CAPN3: variants seen among roughly 807,000 people sequenced by gnomAD.
CAPN3 encodes calpain-3.
A neutral mutation model predicts 114.0 loss-of-function variants in CAPN3; 88 were observed. The ratio of observed to expected loss-of-function variants is 0.77; its 90% CI spans 0.65 to 0.92. CAPN3 has a LOEUF of 0.92. Among genes scored for constraint, CAPN3 ranks in the 40% least tolerant of loss-of-function variants. The pLI is 0.00. For missense variants in CAPN3, 1,028 were observed against 1,069.0 expected, an observed-to-expected ratio of 0.96 and a Z score of 0.53; for synonymous variants, 386 against 382.9, an observed-to-expected ratio of 1.01 and a Z score of -0.09.
At chr15:42,409,442 A>G (rs2054135961) in intron 17 of CAPN3, 62 bp downstream of exon 17, 1 of 1,421,746 alleles carries the variant, frequency 7.0e-7, no homozygotes, top group Non-Finnish European at 9.9e-7. Flanking sequence ...TTAACTGCTC[A>G]GATTACCAAT....
chr15:42,390,802 T>TG (rs2053534635), intron 6 of CAPN3, among the ~76,000 whole-genome samples: 2 of 150,730 alleles, frequency 1.3e-5, no homozygotes, highest in African/African-American at 4.9e-5. Flanking sequence ...TTTTTTTTTT[T>TG]TTTTTGGAAA....
Position 42,412,277 on chromosome 15 carries a change from G to GA in CAPN3, c.*510dup, listed in dbSNP as rs2054285493. 2 of 1,206,160 alleles carry GA rather than the reference G, an allele frequency of 1.7e-6. No homozygotes were observed. The highest frequency in any genetic ancestry group is 1.5e-5 in the African/African-American group (1 of 65,880). 74.7% of individuals were successfully genotyped at this position (1,206,160 alleles called of 1,614,324 possible). On this transcript the variant is annotated 3_prime_UTR_variant, in exon 24 of 24. Coordinates refer to ENST00000397163, the MANE Select transcript of CAPN3 (RefSeq NM_000070.3). ...CAACTCATAAGTTTGGCTGCATTTTGAAAAAAGCTGATCTAAATAAAGGCA... is the reference window on the plus strand; with the variant it reads ...CAACTCATAAGTTTGGCTGCATTTTGAAAAAAAGCTGATCTAAATAAAGGCA...
chr15:42,372,676 C>T (rs574063282), intron 1 of CAPN3, among the ~76,000 whole-genome samples: 95 of 151,816 alleles, frequency 6.3e-4, no homozygotes, highest in African/African-American at 2.0e-3. Context: ...GGTGAAACCT[C>T]GTCTCTACTA....
chr15:42,405,105 T>G (rs1443230007), intron 14 of CAPN3: 15 of 762,028 alleles, frequency 2.0e-5, no homozygotes, highest in Non-Finnish European at 2.4e-5. Context: ...GCAGGGCCCT[T>G]GGCTCAGCTG....
At chr15:42,400,992 G>A (rs1378928283) in intron 10 of CAPN3, among the ~76,000 whole-genome samples, 2 of 152,100 alleles carry the variant, frequency 1.3e-5, no homozygotes, top group Admixed American at 6.6e-5. Flanking sequence ...TCAGGAGTTC[G>A]AGACCAGCTT....
intron 3 of CAPN3, 44 bp from the exon 4 acceptor site, chr15:42,387,709 C>T (rs2053440191): frequency 6.2e-7 from 1 of 1,612,846 alleles, no homozygotes; most frequent in Non-Finnish European, 8.5e-7. Context: ...CATTTCCTAA[C>T]AGTAATTTGA....
At chr15:42,389,142 G>A (rs748153166) in intron 5 of CAPN3, 46 bp downstream of exon 5, 1 of 1,592,126 alleles carries the variant, frequency 6.3e-7, no homozygotes, top group South Asian at 1.1e-5. Flanking sequence ...CCAAGTGTCA[G>A]GAAGCCTTTT....
chr15:42,362,167 ACT>A, intron 1 of CAPN3, among the ~76,000 whole-genome samples: 1 of 152,178 alleles, frequency 6.6e-6, no homozygotes, highest in South Asian at 2.1e-4. Context: ...TAATCCTAGC[ACT>A]TTGGGAGGCA....
At chr15:42,370,756 A>G (rs1236934825) in intron 1 of CAPN3, among the ~76,000 whole-genome samples, 7 of 152,204 alleles carry the variant, frequency 4.6e-5, no homozygotes, top group South Asian at 2.1e-4. Flanking sequence ...GGATAAGGAT[A>G]TTCCCATCAT....
intron 1 of CAPN3, among the ~76,000 whole-genome samples, chr15:42,372,538 G>GT (rs200535969): frequency 0.052 from 7,865 of 151,820 alleles, 625 homozygotes; most frequent in African/African-American, 0.17. Context: ...TTTTTTTGTT[G>GT]TTTTTTTTGA....
At chr15:42,404,211 T>G (rs2053957876) in intron 14 of CAPN3, 1 of 457,436 alleles carries the variant, frequency 2.2e-6, no homozygotes, top group African/African-American at 2.0e-5. Context: ...ACAATTTCTG[T>G]AATCCCTCTC....
At position 42,411,556 on chromosome 15, in the gene CAPN3, G is replaced by A. The variant is rs970626656; in HGVS notation, c.2440-191G>A. Among the ~76,000 whole-genome samples, 87 of 151,914 alleles carry A rather than the reference G, an allele frequency of 5.7e-4. No individual in the cohort carries two copies. The highest frequency in any genetic ancestry group is 1.9e-3 in the African/African-American group (80 of 41,352). ...CTCTGCTCCCCCAGTCACTTGATGC[G>A]GGAAAACATGCACCTTCTTAGGGAA... On this transcript the variant is annotated intron_variant, in intron 23 of 23. Coordinates refer to ENST00000397163, the MANE Select transcript of CAPN3 (RefSeq NM_000070.3).
chr15:42,408,664 T>C (rs1595844794), intron 16 of CAPN3: 1 of 372,730 alleles, frequency 2.7e-6, no homozygotes, highest in East Asian at 6.9e-5. Flanking sequence ...GCCTTGAGCA[T>C]TTCACAATAG....
intron 10 of CAPN3, 22 bp from the exon 11 acceptor site, chr15:42,401,619 T>C (rs745515823): frequency 1.9e-6 from 3 of 1,613,706 alleles, no homozygotes; most frequent in Non-Finnish European, 2.5e-6. Flanking sequence ...TGTGAATGCG[T>C]GCTTCCTTTC....
Position 42,409,400 on chromosome 15 carries a change from G to A in CAPN3, c.1992+20G>A. 1 of 1,606,894 alleles carries A rather than the reference G, an allele frequency of 6.2e-7. No individual in the cohort carries two copies. Among genetic ancestry groups the A allele is most frequent in the Non-Finnish European group, 8.5e-7 (1 of 1,173,440 alleles). On this transcript the variant is annotated intron_variant, in intron 17 of 23. Coordinates refer to ENST00000397163, the MANE Select transcript of CAPN3 (RefSeq NM_000070.3). ...GGAGATGTGAGTACCTCCAAGCCCA[G>A]GACGCCCACAGGTGCTTCCTTCTCT...
At chr15:42,370,992 C>G (rs746257574) in intron 1 of CAPN3, among the ~76,000 whole-genome samples, 1 of 152,100 alleles carries the variant, frequency 6.6e-6, no homozygotes, top group Non-Finnish European at 1.5e-5. Context: ...TTGACCATTC[C>G]GAGGTCTCAG....
At chr15:42,378,898 G>A (rs893549289) in intron 1 of CAPN3, among the ~76,000 whole-genome samples, 1 of 152,110 alleles carries the variant, frequency 6.6e-6, no homozygotes, top group Non-Finnish European at 1.5e-5. Flanking sequence ...TTTGACCCTT[G>A]TGTTATTTAG....
intron 3 of CAPN3, among the ~76,000 whole-genome samples, chr15:42,387,253 A>G (rs939329197): frequency 5.3e-5 from 8 of 152,232 alleles, no homozygotes; most frequent in Non-Finnish European, 1.0e-4. Flanking sequence ...TGATTGAACA[A>G]TGTTCCTGCT....
intron 13 of CAPN3, 57 bp from the exon 14 acceptor site, chr15:42,403,684 G>A (rs1347647247): frequency 7.2e-6 from 11 of 1,524,504 alleles, no homozygotes; most frequent in East Asian, 4.5e-5. Context: ...AACCGTCCAC[G>A]GGCCTCCTGC....
Sources: gnomAD v4.1 joint callset for allele counts (sites outside exome capture counted in the v4.1 genomes callset) on GRCh38, gnomAD v4.1.1 for gene constraint, MANE v1.5 for transcripts, NCBI Gene and HGNC (gene_info 2026-07-23, HGNC 2026-07-21) for gene names.